PTPRD: variants seen among roughly 807,000 people sequenced by gnomAD.
PTPRD encodes the protein receptor-type tyrosine-protein phosphatase delta.
A neutral mutation model predicts 214.5 loss-of-function variants in PTPRD; 34 were observed. The observed-to-expected ratio is 0.16, with a 90% confidence interval of 0.12 to 0.21. PTPRD has a LOEUF of 0.21. Among genes scored for constraint, PTPRD ranks in the 10% least tolerant of loss-of-function variants. The probability of loss-of-function intolerance (pLI) is 1.00; values close to 1 mark genes in which losing one functional copy is unlikely to be tolerated. For missense variants in PTPRD, 2,545 were observed against 2,398.7 expected, an observed-to-expected ratio of 1.06 and a Z score of -1.27; for synonymous variants, 1,128 against 845.7, an observed-to-expected ratio of 1.33 and a Z score of -5.79.
intron 4 of PTPRD, among the ~76,000 whole-genome samples, chr9:10,022,517 G>A (rs4741004): frequency 0.029 from 4,344 of 152,120 alleles, 125 homozygotes; most frequent in Admixed American, 0.089. Flanking sequence ...AAGTAATCAC[G>A]GTTTTTGCCA....
At chr9:9,186,616 C>G (rs1484650925) in intron 9 of PTPRD, among the ~76,000 whole-genome samples, 1 of 129,550 alleles carries the variant, frequency 7.7e-6, no homozygotes, top group Non-Finnish European at 1.6e-5. Flanking sequence ...GTCTCTCTCT[C>G]TCTCTCTGTC....
At chr9:8,461,628 A>G (rs1353975415) in intron 32 of PTPRD, among the ~76,000 whole-genome samples, 3 of 150,014 alleles carry the variant, frequency 2.0e-5, no homozygotes, top group African/African-American at 7.4e-5. Context: ...TTCATTTGCC[A>G]AATCTAATTG....
intron 4 of PTPRD, among the ~76,000 whole-genome samples, chr9:9,957,773 T>G (rs902808133): frequency 1.3e-5 from 2 of 152,058 alleles, no homozygotes; most frequent in Non-Finnish European, 2.9e-5. Context: ...TGTCACAACC[T>G]GACTTCAAGA....
intron 25 of PTPRD, among the ~76,000 whole-genome samples, chr9:8,499,403 T>G (rs962489444): frequency 2.0e-5 from 3 of 152,200 alleles, no homozygotes; most frequent in African/African-American, 7.2e-5. Context: ...GGGTTGAATA[T>G]CTGTATTTTA....
intron 9 of PTPRD, among the ~76,000 whole-genome samples, chr9:9,188,254 C>A (rs1306576151): frequency 1.3e-5 from 2 of 151,978 alleles, no homozygotes; most frequent in Non-Finnish European, 2.9e-5. Flanking sequence ...TATACAGTGC[C>A]ATATTTTTGT....
At chr9:10,060,509 G>C (rs951386888) in intron 3 of PTPRD, among the ~76,000 whole-genome samples, 1 of 151,880 alleles carries the variant, frequency 6.6e-6, no homozygotes, top group African/African-American at 2.4e-5. Context: ...AATTTCATTT[G>C]TCCACTAGAG....
At chr9:8,624,654 T>A (rs1240188043) in intron 14 of PTPRD, among the ~76,000 whole-genome samples, 1 of 151,826 alleles carries the variant, frequency 6.6e-6, no homozygotes. Flanking sequence ...AAAACAGCCC[T>A]AAAAGATAGC....
chr9:8,926,082 G>T (rs527779319), intron 11 of PTPRD, among the ~76,000 whole-genome samples: 1 of 151,962 alleles, frequency 6.6e-6, no homozygotes, highest in South Asian at 2.1e-4. Context: ...CTCATCACAC[G>T]ATTTCTAGTC....
intron 7 of PTPRD, among the ~76,000 whole-genome samples, chr9:9,588,104 G>A (rs2092297188): frequency 6.6e-6 from 1 of 151,694 alleles, no homozygotes; most frequent in Non-Finnish European, 1.5e-5. Context: ...ACATTCATCT[G>A]TACCCCTAAA....
intron 9 of PTPRD, among the ~76,000 whole-genome samples, chr9:9,277,912 A>C (rs905362472): frequency 1.2e-4 from 18 of 151,424 alleles, no homozygotes; most frequent in African/African-American, 4.4e-4. Flanking sequence ...ATTCCTTCCA[A>C]ACCTGAGCCC....
intron 3 of PTPRD, among the ~76,000 whole-genome samples, chr9:10,042,601 G>C (rs2097316240): frequency 6.6e-6 from 1 of 151,892 alleles, no homozygotes; most frequent in Admixed American, 6.6e-5. Flanking sequence ...TAACACATTA[G>C]TGTTGGTGAA....
chr9:10,181,609 C>A (rs1461738040), intron 3 of PTPRD, among the ~76,000 whole-genome samples: 1 of 151,670 alleles, frequency 6.6e-6, no homozygotes, highest in African/African-American at 2.4e-5. Context: ...AGAACTGATT[C>A]TGTCAGATAC....
At chr9:9,336,362 C>A (rs990470992) in intron 9 of PTPRD, among the ~76,000 whole-genome samples, 8 of 152,052 alleles carry the variant, frequency 5.3e-5, no homozygotes, top group Non-Finnish European at 1.0e-4. Context: ...GAATGTTGTG[C>A]TATCAACTTT....
chr9:9,076,391 T>A (rs2099751258), intron 10 of PTPRD, among the ~76,000 whole-genome samples: 1 of 151,840 alleles, frequency 6.6e-6, no homozygotes, highest in South Asian at 2.1e-4. Context: ...AGCTCTTTAG[T>A]TTAATTAGTG....
intron 37 of PTPRD, among the ~76,000 whole-genome samples, chr9:8,380,708 A>G (rs1336681679): frequency 2.0e-5 from 3 of 152,156 alleles, no homozygotes; most frequent in African/African-American, 7.2e-5. Context: ...TGTCATTGCA[A>G]ATATCTGGTA....
At chr9:10,116,866 C>T (rs956892150) in intron 3 of PTPRD, among the ~76,000 whole-genome samples, 2 of 152,048 alleles carry the variant, frequency 1.3e-5, no homozygotes, top group Admixed American at 1.3e-4. Context: ...CTTGCTCTTC[C>T]TTCTGCCTGG....
At chr9:10,198,743 A>G (rs532135001) in intron 3 of PTPRD, among the ~76,000 whole-genome samples, 15 of 152,270 alleles carry the variant, frequency 9.9e-5, no homozygotes, top group African/African-American at 3.4e-4. Flanking sequence ...TTAGTTCTCC[A>G]AGATAGAAAA....
In PTPRD at chr9:9,353,916, G is replaced by A. The variant is rs181553175; in HGVS notation, c.-203+43533C>T. Reference sequence around the variant, plus strand: ...CTGTGAGTCATCTAGAAGCTCTGAGGAAGCTTCCAAGTTCTTTCAGGTTAT... The same window carrying A: ...CTGTGAGTCATCTAGAAGCTCTGAGAAAGCTTCCAAGTTCTTTCAGGTTAT... On this transcript the variant is annotated intron_variant, in intron 9 of 45. Transcript: ENST00000381196. 1.9e-4 allele frequency among the ~76,000 whole-genome samples: 29 copies of A among 151,836 alleles called. 1 individual carries two copies. In the East Asian group the frequency reaches 4.3e-3, roughly 22 times the overall value.
chr9:8,436,492 A>C (rs2132519837), intron 35 of PTPRD, 100 bp downstream of exon 35: 2 of 851,902 alleles, frequency 2.3e-6, no homozygotes, highest in Non-Finnish European at 3.7e-6. Context: ...AGTCATATTT[A>C]AAGGGAAAAG....
Sources: allele counts gnomAD v4.1 joint callset (sites outside exome capture counted in the v4.1 genomes callset), GRCh38; gene constraint gnomAD v4.1.1; transcripts MANE v1.5; gene names NCBI Gene and HGNC (gene_info 2026-07-23, HGNC 2026-07-21).